SVOP: variants seen among roughly 807,000 people sequenced by gnomAD.
The protein encoded by SVOP is SV2 related protein.
A neutral mutation model predicts 69.1 loss-of-function variants in SVOP; 17 were observed. The ratio of observed to expected loss-of-function variants is 0.25; its 90% CI spans 0.17 to 0.37. The LOEUF (loss-of-function observed/expected upper bound fraction) is 0.37, where lower values mean the gene tolerates loss of function less well. Ranked by LOEUF, SVOP falls within the 10% of genes least tolerant of loss-of-function variation. SVOP has a pLI of 1.00. For synonymous variants in SVOP, 238 were observed against 238.6 expected (o/e 1.00, Z 0.02); for missense variants, 435 against 597.5 (o/e 0.73, Z 2.84).
intron 13 of SVOP, 71 bp downstream of exon 13, chr12:108,919,604 G>T: frequency 8.0e-7 from 1 of 1,249,754 alleles, no homozygotes; most frequent in Non-Finnish European, 1.1e-6. Flanking sequence ...ATCTACCTGG[G>T]CCTGCACCCA....
rs765265808 is a variant in SVOP at position 109,020,826 on chromosome 12, A to G, written c.35+8T>C. 70 of 601,470 alleles carry G rather than the reference A, an allele frequency of 1.2e-4. No homozygotes were observed. The highest frequency in any genetic ancestry group is 9.3e-6 in the Non-Finnish European group (3 of 321,524). The allele number at this position is 601,470 out of a possible 1,614,324, so 37.3% of individuals were successfully genotyped here. A position where few individuals can be genotyped will look rare whatever the true frequency, so the allele number is the denominator to read the frequency against. On this transcript the variant is annotated splice_region_variant and intron_variant, in intron 1 of 15. Coordinates refer to ENST00000610966, the MANE Select transcript of SVOP (RefSeq NM_018711.5). ...TGTCTGCCTCTTGCTCGCCCCCATGATACTCACGGCAGCTGCCTTAGCTGG... is the reference window on the plus strand; with the variant it reads ...TGTCTGCCTCTTGCTCGCCCCCATGGTACTCACGGCAGCTGCCTTAGCTGG...
chr12:109,010,029 G>A (rs1056734805), intron 1 of SVOP, among the ~76,000 whole-genome samples: 3 of 151,576 alleles, frequency 2.0e-5, no homozygotes, highest in Admixed American at 6.6e-5. Context: ...AAGTTGAGGC[G>A]GGAGGATTGC....
At chr12:109,010,141 A>AC (rs2040332551) in intron 1 of SVOP, among the ~76,000 whole-genome samples, 1 of 151,226 alleles carries the variant, frequency 6.6e-6, no homozygotes, top group Non-Finnish European at 1.5e-5. Context: ...AAAAAAAAAA[A>AC]AATTTTTTTT....
rs1241369583 is a variant in SVOP at position 108,977,507 on chromosome 12, G to A, written c.283-11C>T. 2 of 1,516,688 alleles carry A rather than the reference G, an allele frequency of 1.3e-6. No individual in the cohort carries two copies. Among genetic ancestry groups the A allele is most frequent in the African/African-American group, 2.8e-5 (2 of 72,694 alleles). 94.0% of individuals were successfully genotyped at this position (1,516,688 alleles called of 1,614,324 possible). On this transcript the variant is annotated splice_polypyrimidine_tract_variant and intron_variant, in intron 3 of 15. Transcript: ENST00000610966. ...CATGGCATCAGCCATCTGCAGAGAG[G>A]ACGGAGACATCATGAGGCCAGGATG...
At position 108,983,710 on chromosome 12, in the gene SVOP, C is replaced by T. The variant is rs1266765444; in HGVS notation, c.87G>A (p.Thr29=). ...TCTGGACTTCATGCTCTCCTGAAGC[C>T]GTGTCGTCCTCTGACCTTGCACTCT... is the stretch of plus-strand genomic sequence containing the variant. ...TGESARSEDD[T]ASGEHEVQIE... The change falls in exon 2 of 16, where the codon ACG becomes ACA. Residue 29 remains threonine (T), a synonymous_variant. Coordinates refer to ENST00000610966, the MANE Select transcript of SVOP (RefSeq NM_018711.5). The T allele has an allele frequency of 1.8e-5, 7 of 398,712 alleles. No homozygotes were observed. The highest frequency in any genetic ancestry group is 1.1e-4 in the East Asian group (3 of 28,096). 24.7% of individuals were successfully genotyped at this position (398,712 alleles called of 1,614,324 possible).
chr12:109,012,744 A>G (rs2040349071), intron 1 of SVOP, among the ~76,000 whole-genome samples: 1 of 152,130 alleles, frequency 6.6e-6, no homozygotes, highest in African/African-American at 2.4e-5. Context: ...CCTGGACAAC[A>G]TAGCGAAACC....
intron 1 of SVOP, 79 bp downstream of exon 1, chr12:109,020,755 C>CCCT: frequency 5.7e-6 from 1 of 174,598 alleles, no homozygotes; most frequent in South Asian, 3.0e-5. Context: ...CAGAGATGTA[C>CCCT]CCCCCCCCAC....
chr12:108,981,949 ACCG>A (rs1273242161), intron 2 of SVOP, among the ~76,000 whole-genome samples: 1 of 151,678 alleles, frequency 6.6e-6, no homozygotes, highest in East Asian at 1.9e-4. Flanking sequence ...CATCACCACC[ACCG>A]CCATCATCTT....
At chr12:108,953,395 G>A (rs535805693) in intron 6 of SVOP, among the ~76,000 whole-genome samples, 3 of 148,818 alleles carry the variant, frequency 2.0e-5, no homozygotes, top group African/African-American at 7.4e-5. Context: ...TGATCTGCCC[G>A]CCTCAGCCTC....
intron 1 of SVOP, among the ~76,000 whole-genome samples, chr12:109,007,132 G>A (rs2040313462): frequency 6.6e-6 from 1 of 152,222 alleles, no homozygotes; most frequent in South Asian, 2.1e-4. Flanking sequence ...AGGCAGGGTT[G>A]CAAGAAGGGA....
At chr12:108,952,640 C>T (rs1233279024) in intron 6 of SVOP, among the ~76,000 whole-genome samples, 1 of 152,120 alleles carries the variant, frequency 6.6e-6, no homozygotes. Context: ...AGTTCAAGAA[C>T]AGCCTGGGTA....
chr12:108,928,652 C>T (rs778698357), intron 11 of SVOP, among the ~76,000 whole-genome samples: 26 of 151,768 alleles, frequency 1.7e-4, no homozygotes, highest in Admixed American at 7.9e-4. Flanking sequence ...CAGCAAGCTC[C>T]GCTTCTCAGG....
At position 108,948,413 on chromosome 12, in the gene SVOP, T is replaced by C. The variant is rs562479865; in HGVS notation, c.579-3247A>G. ...TACCACTGAGATTTAGACAAAGTTC[T>C]ATCATCAGTAAAAGTCCTACCACCA... On this transcript the variant is annotated intron_variant, in intron 6 of 15. Transcript: ENST00000610966. 1.6e-4 allele frequency among the ~76,000 whole-genome samples: 25 copies of C among 152,352 alleles called. No individual in the cohort carries two copies. The South Asian group carries it at 5.2e-3, about 32-fold the overall frequency.
intron 11 of SVOP, among the ~76,000 whole-genome samples, chr12:108,923,043 G>C (rs1485679672): frequency 6.6e-6 from 1 of 152,250 alleles, no homozygotes; most frequent in Non-Finnish European, 1.5e-5. Flanking sequence ...TTGAGAGACT[G>C]AAAGTGGGCT....
intron 7 of SVOP, 82 bp downstream of exon 7, chr12:108,945,021 C>A: frequency 2.3e-6 from 3 of 1,317,336 alleles, no homozygotes; most frequent in Non-Finnish European, 3.1e-6. Flanking sequence ...ACTCCCTTTT[C>A]CTTGACCTGT....
At chr12:108,955,333 A>G (rs1432012180) in intron 6 of SVOP, among the ~76,000 whole-genome samples, 1 of 152,208 alleles carries the variant, frequency 6.6e-6, no homozygotes. Flanking sequence ...ATATTCATGA[A>G]TAGGGCAGTA....
intron 1 of SVOP, among the ~76,000 whole-genome samples, chr12:108,999,263 T>A (rs1324085842): frequency 1.4e-5 from 2 of 143,540 alleles, no homozygotes; most frequent in Non-Finnish European, 3.1e-5. Context: ...AAGAGCTAAC[T>A]ATCCTAAATA....
At chr12:108,968,190 C>G (rs1250189297) in intron 5 of SVOP, among the ~76,000 whole-genome samples, 3 of 152,228 alleles carry the variant, frequency 2.0e-5, no homozygotes, top group African/African-American at 7.2e-5. Context: ...TCATCCACCA[C>G]AGCTCAGTCA....
intron 6 of SVOP, among the ~76,000 whole-genome samples, chr12:108,954,935 T>A (rs1376177146): frequency 6.6e-6 from 1 of 152,190 alleles, no homozygotes; most frequent in Admixed American, 6.5e-5. Flanking sequence ...AAGGATCACT[T>A]GAGCCTGGGA....
Sources: gnomAD v4.1 joint callset for allele counts (sites outside exome capture counted in the v4.1 genomes callset) on GRCh38, gnomAD v4.1.1 for gene constraint, MANE v1.5 for transcripts, NCBI Gene and HGNC (gene_info 2026-07-23, HGNC 2026-07-21) for gene names.